Variants in TENM4 observed in about 807,000 individuals in gnomAD.
TENM4 encodes the protein teneurin transmembrane protein 4.
In TENM4, 82 loss-of-function variants were observed where a neutral mutation model predicts 243.3. That is an observed-to-expected ratio of 0.34 (90% CI 0.28 to 0.40). The LOEUF (loss-of-function observed/expected upper bound fraction) is 0.40, where lower values mean the gene tolerates loss of function less well. TENM4 is among the 10% of genes least tolerant of loss of function. TENM4 has a pLI of 1.00. For synonymous variants in TENM4, 1,412 were observed against 1,456.3 expected (o/e 0.97, Z 0.69); for missense variants, 3,138 against 3,673.3 (o/e 0.85, Z 3.77).
intron 2 of TENM4, among the ~76,000 whole-genome samples, chr11:79,295,986 C>T (rs1292772751): frequency 6.7e-6 from 1 of 150,306 alleles, no homozygotes; most frequent in African/African-American, 2.4e-5. Context: ...ACAAAAGCTG[C>T]GTATCATGTA....
chr11:79,052,073 C>T (rs537671503), intron 6 of TENM4, among the ~76,000 whole-genome samples: 1 of 152,290 alleles, frequency 6.6e-6, no homozygotes, highest in Admixed American at 6.5e-5. Flanking sequence ...AATAGTACTG[C>T]AATGAACATA....
rs775873994 is a variant in TENM4, at chr11:78,670,459, C to T, written c.5886G>A (p.Ala1962=). The change falls in exon 32 of 34, where the codon GCG becomes GCA. Residue 1962 remains alanine, a synonymous_variant. Coordinates refer to ENST00000278550, the MANE Select transcript of TENM4 (RefSeq NM_001098816.3). The stretch of plus-strand genomic sequence containing the variant: ...AGCGGATGGTCTCTAGTGTCTGCCG[C>T]GCCACGTTGGGCATCGTCACAGAAG... ...RLSSVTMPNV[A]RQTLETIRSV... is the part of the protein sequence containing the mutation. 2.5e-5 allele frequency: 40 copies of T among 1,613,882 alleles called. No homozygotes were observed. The highest frequency in any genetic ancestry group is 1.1e-4 in the East Asian group (5 of 44,884).
intron 4 of TENM4, among the ~76,000 whole-genome samples, chr11:79,117,546 A>G (rs1285784620): frequency 1.3e-5 from 2 of 152,204 alleles, no homozygotes; most frequent in Non-Finnish European, 2.9e-5. Context: ...GGCTTCATCA[A>G]GCCTCCACTT....
At chr11:79,375,877 C>T (rs1240010053) in intron 1 of TENM4, among the ~76,000 whole-genome samples, 4 of 152,066 alleles carry the variant, frequency 2.6e-5, no homozygotes, top group Non-Finnish European at 5.9e-5. Context: ...GTGTGGCTGG[C>T]AGTAGGAAGT....
intron 28 of TENM4, among the ~76,000 whole-genome samples, chr11:78,699,566 T>G (rs1219030439): frequency 6.6e-6 from 1 of 152,238 alleles, no homozygotes; most frequent in Non-Finnish European, 1.5e-5. Flanking sequence ...CTACCACTTC[T>G]GGTTTGTGTT....
intron 3 of TENM4, among the ~76,000 whole-genome samples, chr11:79,164,572 CTA>C (rs1409320669): frequency 8.0e-6 from 1 of 124,778 alleles, no homozygotes; most frequent in African/African-American, 3.3e-5. Context: ...ATACTATATA[CTA>C]TATATATACA....
intron 1 of TENM4, among the ~76,000 whole-genome samples, chr11:79,423,163 A>G (rs1009863182): frequency 1.2e-4 from 18 of 152,282 alleles, no homozygotes; most frequent in African/African-American, 4.3e-4. Flanking sequence ...GATACTGGGA[A>G]GAGAACAGGA....
intron 17 of TENM4, among the ~76,000 whole-genome samples, chr11:78,772,581 G>T (rs926365133): frequency 5.3e-5 from 8 of 152,140 alleles, no homozygotes; most frequent in African/African-American, 1.9e-4. Context: ...TTCTTAAATG[G>T]GACAACAAAT....
intron 15 of TENM4, among the ~76,000 whole-genome samples, chr11:78,790,972 C>T (rs926601241): frequency 2.6e-5 from 4 of 152,234 alleles, no homozygotes; most frequent in African/African-American, 9.6e-5. Context: ...TAGACATGCT[C>T]TCCTGGCATG....
chr11:79,365,272 G>A (rs1373355059), intron 1 of TENM4, among the ~76,000 whole-genome samples: 1 of 152,130 alleles, frequency 6.6e-6, no homozygotes, highest in Non-Finnish European at 1.5e-5. Flanking sequence ...AGAATAAAGA[G>A]TTTGCTGGTC....
intron 6 of TENM4, among the ~76,000 whole-genome samples, chr11:78,969,991 C>T (rs1346399129): frequency 2.6e-5 from 4 of 152,306 alleles, no homozygotes; most frequent in Non-Finnish European, 4.4e-5. Flanking sequence ...CACTTAAAAC[C>T]AAATGCATTC....
At position 78,903,318 on chromosome 11, in the gene TENM4, G is replaced by A. The variant is rs557346585; in HGVS notation, c.699C>T (p.Ala233=). Residue 233 remains alanine, a synonymous_variant, in exon 7 of 34, where the codon GCC becomes GCT. Transcript: ENST00000278550. The part of the protein sequence containing the change: ...EPPAGGAQEP[A]HAQENWLLNS... ...TGAGCAGCCAGTTCTCCTGGGCGTG[G>A]GCAGGCTCCTGGGCGCCGCCGGCAG... 1.3e-6 allele frequency: 2 copies of A among 1,483,840 alleles called. No individual in the cohort carries two copies. The highest frequency in any genetic ancestry group is 1.8e-6 in the Non-Finnish European group (2 of 1,119,106). The allele number at this position is 1,483,840 out of a possible 1,614,324, so 91.9% of individuals were successfully genotyped here.
chr11:78,767,124 A>G (rs1331659443), intron 18 of TENM4, among the ~76,000 whole-genome samples: 1 of 152,232 alleles, frequency 6.6e-6, no homozygotes, highest in Non-Finnish European at 1.5e-5. Context: ...GAAGGGCTAC[A>G]GGGATCTACA....
intron 1 of TENM4, among the ~76,000 whole-genome samples, chr11:79,362,646 C>T (rs75602564): frequency 0.028 from 4,335 of 152,240 alleles, 212 homozygotes; most frequent in African/African-American, 0.098. Context: ...GACAGTACAG[C>T]GCAGAGGCTA....
chr11:78,727,500 T>C (rs1412746905), intron 22 of TENM4, among the ~76,000 whole-genome samples: 1 of 152,094 alleles, frequency 6.6e-6, no homozygotes, highest in Non-Finnish European at 1.5e-5. Context: ...CAGAATCACA[T>C]ATGACTTTTT....
At chr11:78,674,788 G>T (rs545839038) in intron 30 of TENM4, among the ~76,000 whole-genome samples, 3 of 152,146 alleles carry the variant, frequency 2.0e-5, no homozygotes, top group Non-Finnish European at 4.4e-5. Flanking sequence ...GGGAACAAAC[G>T]AAGCCTGGTT....
intron 29 of TENM4, among the ~76,000 whole-genome samples, chr11:78,677,371 C>T (rs1379096920): frequency 6.6e-6 from 1 of 151,724 alleles, no homozygotes; most frequent in Non-Finnish European, 1.5e-5. Flanking sequence ...CCTCCAACCT[C>T]AGCCTCCCAA....
At chr11:79,292,741 AC>A (rs1422613932) in intron 2 of TENM4, among the ~76,000 whole-genome samples, 1 of 152,238 alleles carries the variant, frequency 6.6e-6, no homozygotes, top group Non-Finnish European at 1.5e-5. Flanking sequence ...TCAGCCACTT[AC>A]CAGCTATGCA....
intron 3 of TENM4, among the ~76,000 whole-genome samples, chr11:79,203,524 T>C (rs556520474): frequency 7.7e-4 from 118 of 152,346 alleles, no homozygotes; most frequent in African/African-American, 2.8e-3. Context: ...CTTTTTTCTA[T>C]ACATACATAT....
Sources: allele counts gnomAD v4.1 joint callset (sites outside exome capture counted in the v4.1 genomes callset), GRCh38; gene constraint gnomAD v4.1.1; transcripts MANE v1.5; gene names NCBI Gene and HGNC (gene_info 2026-07-23, HGNC 2026-07-21).